C11orf21: variants seen among roughly 807,000 people sequenced by gnomAD.
The protein encoded by C11orf21 is uncharacterized protein C11orf21.
Under a neutral mutation model 15.2 loss-of-function variants are expected in C11orf21, and 19 were observed. The observed-to-expected ratio is 1.25, with a 90% CI of 0.87 to 1.84. The LOEUF (loss-of-function observed/expected upper bound fraction) is 1.84, where lower values mean the gene tolerates loss of function less well. Ranked by LOEUF, C11orf21 falls within the 40% of genes most tolerant of loss-of-function variation. The pLI is 0.00. For synonymous variants in C11orf21, 62 were observed against 66.8 expected, an observed-to-expected ratio of 0.93 and a Z score of 0.35; for missense variants, 171 against 174.4, an observed-to-expected ratio of 0.98 and a Z score of 0.11.
At chr11:2,302,259 G>A, upstream of C11orf21, 1 of 1,359,796 alleles carries the variant, frequency 7.4e-7, no homozygotes, top group Non-Finnish European at 9.5e-7. Context: ...GTGGGGGTGA[G>A]CAGGGGTGAG....
chr11:2,300,960 A>G (rs554091652), intron 1 of C11orf21: 3 of 607,780 alleles, frequency 4.9e-6, no homozygotes, highest in South Asian at 3.9e-5. Flanking sequence ...TGTGGGTGCC[A>G]GGCATCTGAG....
chr11:2,301,385 C>G, intron 1 of C11orf21: 1 of 210,752 alleles, frequency 4.7e-6, no homozygotes, highest in Admixed American at 5.3e-5. Flanking sequence ...CCCCAGAGGC[C>G]CACGGAAACC....
chr11:2,300,474 C>A (rs1460055221), intron 2 of C11orf21, 46 bp downstream of exon 2: 1 of 1,298,072 alleles, frequency 7.7e-7, no homozygotes. Context: ...TCCACCGGCT[C>A]CCTGCCCCCG....
intron 1 of C11orf21, 100 bp from the exon 2 acceptor site, chr11:2,300,713 G>A (rs1847699213): frequency 6.4e-7 from 1 of 1,550,744 alleles, no homozygotes; most frequent in Admixed American, 2.0e-5. Flanking sequence ...GAAGCGGGTG[G>A]TGCTCCAGGC....
chr11:2,301,576 C>G (rs902310428), intron 1 of C11orf21, 180 bp downstream of exon 1: 3 of 562,864 alleles, frequency 5.3e-6, no homozygotes, highest in Non-Finnish European at 9.2e-6. Flanking sequence ...GAGTGCCGCC[C>G]ACGAAGGCAT....
upstream of C11orf21, chr11:2,303,129 G>A (rs922159457): frequency 3.1e-5 from 19 of 606,130 alleles, no homozygotes; most frequent in East Asian, 2.3e-4. Context: ...CCCTGGGCAG[G>A]GCCTCGGGTC....
intron 1 of C11orf21, chr11:2,300,899 A>C: frequency 1.2e-6 from 1 of 801,530 alleles, no homozygotes; most frequent in Non-Finnish European, 2.0e-6. Flanking sequence ...CCCTACATTC[A>C]TACCTGCGCC....
intron 2 of C11orf21, among the ~76,000 whole-genome samples, chr11:2,299,917 C>A (rs1413734318): frequency 6.6e-6 from 1 of 151,482 alleles, no homozygotes; most frequent in Non-Finnish European, 1.5e-5. Context: ...GCCAGGGGCC[C>A]TTAGGCCAGC....
Position 2,301,840 on chromosome 11 carries a change from G to A in C11orf21, c.-32C>T. The stretch of plus-strand genomic sequence containing the variant: ...CCCCCTCTCAGCGCCGTCCTCAGTG[G>A]CCACACCAAGAACGAGGCCATGTCT... On this transcript the variant is annotated 5_prime_UTR_variant, in exon 1 of 4. Coordinates refer to ENST00000381153, the MANE Select transcript of C11orf21 (RefSeq NM_001329958.2). 6.4e-7 allele frequency: 1 copy of A among 1,550,564 alleles called. No individual in the cohort carries two copies.
At chr11:2,301,278 G>A (rs1376964096) in intron 1 of C11orf21, 3 of 197,732 alleles carry the variant, frequency 1.5e-5, no homozygotes. Context: ...ACCGAGGGGC[G>A]AGCAGAGCCG....
At chr11:2,299,249 A>G (rs992315499) in intron 3 of C11orf21, among the ~76,000 whole-genome samples, 179 bp downstream of exon 3, 1 of 152,192 alleles carries the variant, frequency 6.6e-6, no homozygotes, top group Non-Finnish European at 1.5e-5. Context: ...AATCAGGGCA[A>G]AGGACAGACA....
At chr11:2,298,541 C>T (rs1847585656) in intron 3 of C11orf21, among the ~76,000 whole-genome samples, 1 of 152,188 alleles carries the variant, frequency 6.6e-6, no homozygotes, top group Non-Finnish European at 1.5e-5. Flanking sequence ...GCGGGACCTT[C>T]CCCTGCCCCC....
Position 2,300,508 on chromosome 11 carries a change from C to A in C11orf21, c.147+12G>T. 6.6e-7 allele frequency: 1 copy of A among 1,524,502 alleles called. No individual in the cohort carries two copies. Among genetic ancestry groups the A allele is most frequent in the South Asian group, 1.2e-5 (1 of 82,624 alleles). 94.4% of individuals were successfully genotyped at this position (1,524,502 alleles called of 1,614,324 possible). A position where few individuals can be genotyped will look rare whatever the true frequency, so the allele number is the denominator to read the frequency against. ...CGCTGGTGGGGCACAGTGAGGGGGGCTGTGGTCAGACCTGGTCTCTGGAGG... is the reference window on the plus strand; with the variant it reads ...CGCTGGTGGGGCACAGTGAGGGGGGATGTGGTCAGACCTGGTCTCTGGAGG... On this transcript the variant is annotated intron_variant, in intron 2 of 3. Transcript: ENST00000381153.
intron 1 of C11orf21, chr11:2,301,499 C>A (rs1422567978): frequency 7.0e-6 from 3 of 425,676 alleles, no homozygotes; most frequent in Non-Finnish European, 1.3e-5. Flanking sequence ...GGAGGCCCCA[C>A]GTGAGTGTGA....
chr11:2,300,487 G>T (rs774301522), intron 2 of C11orf21, 33 bp downstream of exon 2: 2 of 1,406,212 alleles, frequency 1.4e-6, no homozygotes, highest in South Asian at 2.6e-5. Flanking sequence ...TGCCCCCGCT[G>T]GTGGGGCACA....
chr11:2,300,458 G>A (rs1018668325), intron 2 of C11orf21, 62 bp downstream of exon 2: 1 of 1,048,318 alleles, frequency 9.5e-7, no homozygotes, highest in Non-Finnish European at 1.4e-6. Flanking sequence ...CAAAGGGCGT[G>A]GGGGTTCCAC....
Position 2,301,774 on chromosome 11 carries a change from C to A in C11orf21, c.35G>T (p.Arg12Leu). The part of the protein sequence containing the change: ...GRTWCGMWRR[R>L]RPGRRSAVPR... ...AGCTCACCTCCTCCTCCCCGGGCGCCGTCTCCTCCACATCCCACACCAGGT... is the reference window on the plus strand; with the variant it reads ...AGCTCACCTCCTCCTCCCCGGGCGCAGTCTCCTCCACATCCCACACCAGGT... Residue 12 changes from arginine to leucine, a missense_variant, in exon 1 of 4, where the codon CGG (arginine) becomes CTG (leucine). Coordinates refer to ENST00000381153, the MANE Select transcript of C11orf21 (RefSeq NM_001329958.2). The A allele has an allele frequency of 6.5e-7, 1 of 1,549,884 alleles. No individual in the cohort carries two copies. Among genetic ancestry groups the A allele is most frequent in the Non-Finnish European group, 8.7e-7 (1 of 1,146,776 alleles).
chr11:2,300,103 TTTGTGAGGGTGGGCAGGG>T (rs2133269930), intron 2 of C11orf21, among the ~76,000 whole-genome samples: 4 of 70,866 alleles, frequency 5.6e-5, no homozygotes, highest in African/African-American at 1.1e-4. Context: ...TGGGCAGGGG[TTTGTGAGGGTGGGCAGGG>T]GTGTGTGGGG....
chr11:2,299,365 G>C (rs1387850947), intron 3 of C11orf21, 63 bp downstream of exon 3: 2 of 1,477,712 alleles, frequency 1.4e-6, no homozygotes, highest in African/African-American at 1.4e-5. Context: ...CCCGGTGGGA[G>C]GGGCCGCGCT....
Sources: gnomAD v4.1 joint callset for allele counts (sites outside exome capture counted in the v4.1 genomes callset) on GRCh38, gnomAD v4.1.1 for gene constraint, MANE v1.5 for transcripts, NCBI Gene and HGNC (gene_info 2026-07-23, HGNC 2026-07-21) for gene names.